The following KCNG2 variants were observed in gnomAD, a reference collection of about 807,000 sequenced individuals.
The protein encoded by KCNG2 is voltage-gated potassium channel regulatory subunit KCNG2.
A neutral mutation model predicts 12.3 loss-of-function variants in KCNG2; 7 were observed. The ratio of observed to expected loss-of-function variants is 0.57; its 90% CI spans 0.32 to 1.07. The LOEUF is 1.07. Ranked by LOEUF, KCNG2 falls within the 50% of genes least tolerant of loss-of-function variation. KCNG2 has a pLI of 0.04. For missense variants in KCNG2, 703 were observed against 726.0 expected (o/e 0.97, Z 0.36); for synonymous variants, 414 against 351.4 (o/e 1.18, Z -1.99).
chr18:79,883,948 G>A (rs973790035), intron 3 of KCNG2, among the ~76,000 whole-genome samples: 15 of 152,094 alleles, frequency 9.9e-5, no homozygotes, highest in Non-Finnish European at 1.2e-4. Flanking sequence ...CATGCAGCCC[G>A]GCCCACTGAC....
chr18:79,836,387 G>A (rs1321566537), intron 1 of KCNG2, among the ~76,000 whole-genome samples: 3 of 152,130 alleles, frequency 2.0e-5, no homozygotes, highest in Non-Finnish European at 4.4e-5. Flanking sequence ...GGATGACAGA[G>A]TTTAAAGTAG....
intron 3 of KCNG2, among the ~76,000 whole-genome samples, chr18:79,894,361 A>AATGGT (rs56700114): frequency 1.0e-5 from 1 of 100,120 alleles, no homozygotes; most frequent in Non-Finnish European, 2.2e-5. Context: ...CTCCATTCAT[A>AATGGT]ACGATTGATA....
intron 2 of KCNG2, among the ~76,000 whole-genome samples, chr18:79,858,911 A>T (rs1202606746): frequency 6.6e-6 from 1 of 152,096 alleles, no homozygotes; most frequent in Non-Finnish European, 1.5e-5. Context: ...CCATGTTTAA[A>T]TTGGGTTGTT....
At chr18:79,876,805 C>T (rs1366687403) in intron 3 of KCNG2, among the ~76,000 whole-genome samples, 3 of 152,236 alleles carry the variant, frequency 2.0e-5, no homozygotes, top group Admixed American at 1.3e-4. Flanking sequence ...TTGCAGATGC[C>T]TCTCATGGTG....
In KCNG2 at chr18:79,899,531, C is replaced by G; in HGVS notation, c.1116C>G (p.Tyr372Ter). Residue 372 changes from tyrosine to a stop codon, truncating the protein, a stop_gained, in exon 4 of 4, where the codon TAC becomes TAG. Transcript: ENST00000316249. LOFTEE classifies it low-confidence loss of function (END_TRUNC). ...TCATCTCCATGACCACCGTGGGCTA[C>G]GGCGACATGGTCCCGCGCAGCCTGC... Reference protein sequence around the residue: ...WAVISMTTVGYGDMVPRSLPG... With the variant: ...WAVISMTTVG The G allele has an allele frequency of 6.2e-7, 1 of 1,606,370 alleles. No homozygotes were observed.
At chr18:79,863,495 A>G (rs551733519) in intron 2 of KCNG2, among the ~76,000 whole-genome samples, 133 bp from the exon 3 acceptor site, 1 of 152,270 alleles carries the variant, frequency 6.6e-6, no homozygotes, top group South Asian at 2.1e-4. Context: ...GAGGAGTGGG[A>G]AGTGGGCGGG....
chr18:79,860,711 GTTCT>G (rs1255037425), intron 2 of KCNG2, among the ~76,000 whole-genome samples: 57 of 152,182 alleles, frequency 3.7e-4, no homozygotes, highest in Non-Finnish European at 6.5e-4. Context: ...GTGCGTGTGT[GTTCT>G]TTAAGGTTTT....
At chr18:79,843,494 A>G (rs755725360) in intron 1 of KCNG2, among the ~76,000 whole-genome samples, 8 of 152,248 alleles carry the variant, frequency 5.3e-5, no homozygotes, top group African/African-American at 7.2e-5. Flanking sequence ...TAACCCCAGC[A>G]TAAAAGTAGA....
At chr18:79,815,077 G>A (rs2087519333) in intron 1 of KCNG2, among the ~76,000 whole-genome samples, 1 of 152,128 alleles carries the variant, frequency 6.6e-6, no homozygotes, top group South Asian at 2.1e-4. Context: ...TCAAAATAAT[G>A]TCTGACAATA....
chr18:79,864,139 C>T lies in KCNG2; in HGVS notation c.472C>T (p.Arg158Cys), dbSNP rs1979352195. The change falls in exon 3 of 4, where the codon CGC becomes TGC. Residue 158 changes from arginine to cysteine, a missense_variant. Coordinates refer to ENST00000316249, the MANE Select transcript of KCNG2 (RefSeq NM_012283.2). ...RALGPRGRLQ[R>C]GRRRLRDVVD... ...CCTGGGACCTCGGGGGCGGCTGCAGCGCGGCCGGCGGCGCCTGCGCGACGT... is the reference window on the plus strand; with the variant it reads ...CCTGGGACCTCGGGGGCGGCTGCAGTGCGGCCGGCGGCGCCTGCGCGACGT... 3 of 1,357,394 alleles carry T rather than the reference C, an allele frequency of 2.2e-6. No individual in the cohort carries two copies. Among genetic ancestry groups the T allele is most frequent in the African/African-American group, 1.6e-5 (1 of 64,086 alleles). 84.1% of individuals were successfully genotyped at this position (1,357,394 alleles called of 1,614,324 possible). A position where few individuals can be genotyped will look rare whatever the true frequency, so the allele number is the denominator to read the frequency against.
At chr18:79,887,395 C>T (rs1013161022) in intron 3 of KCNG2, among the ~76,000 whole-genome samples, 1 of 152,022 alleles carries the variant, frequency 6.6e-6, no homozygotes, top group Admixed American at 6.5e-5. Flanking sequence ...GCCTTGGGGC[C>T]GACCTGTGCT....
At position 79,884,651 on chromosome 18, in the gene KCNG2, G is replaced by A. The variant is rs1019547675; in HGVS notation, c.625-14389G>A. On this transcript the variant is annotated intron_variant, in intron 3 of 3. Transcript: ENST00000316249. The surrounding 1 kb of genome is among the most constrained non-coding windows in gnomAD (Gnocchi z 5.5). ...GCTTTTTGTGTTTTCTACCTAGAGC[G>A]GAGAAATGTTTGTGGTTTCCAAAGA... Among the ~76,000 whole-genome samples, 4 of 152,316 alleles carry A rather than the reference G, an allele frequency of 2.6e-5. No individual in the cohort carries two copies. The highest frequency in any genetic ancestry group is 1.9e-4 in the East Asian group (1 of 5,172).
At chr18:79,847,492 G>A (rs891090655) in intron 1 of KCNG2, among the ~76,000 whole-genome samples, 4 of 152,174 alleles carry the variant, frequency 2.6e-5, no homozygotes, top group African/African-American at 7.2e-5. Flanking sequence ...CCGGCAGTGC[G>A]GACCACGCTC....
chr18:79,801,161 A>C (rs1405549097), intron 1 of KCNG2, among the ~76,000 whole-genome samples: 3 of 152,270 alleles, frequency 2.0e-5, no homozygotes, highest in African/African-American at 7.2e-5. Context: ...CCTGTGTCAA[A>C]ATCAGTAATA....
At chr18:79,819,728 T>C (rs1433287416) in intron 1 of KCNG2, among the ~76,000 whole-genome samples, 1 of 152,204 alleles carries the variant, frequency 6.6e-6, no homozygotes, top group African/African-American at 2.4e-5. Context: ...TATTCCATTT[T>C]AACTATTTCA....
chr18:79,897,367 T>A (rs1037013444), intron 3 of KCNG2, among the ~76,000 whole-genome samples: 11 of 152,244 alleles, frequency 7.2e-5, no homozygotes, highest in African/African-American at 2.2e-4. Flanking sequence ...TAGTGATTTT[T>A]AAATTATTTT....
chr18:79,865,707 C>T (rs866341588), intron 3 of KCNG2, among the ~76,000 whole-genome samples: 119 of 42,300 alleles, frequency 2.8e-3, no homozygotes, highest in Middle Eastern at 0.024. Context: ...GGTGCTGAGG[C>T]CTGGGTGCTG....
At chr18:79,865,714 GC>G (rs1481524114) in intron 3 of KCNG2, among the ~76,000 whole-genome samples, 2 of 142,928 alleles carry the variant, frequency 1.4e-5, no homozygotes, top group African/African-American at 5.1e-5. Context: ...AGGCCTGGGT[GC>G]TGAGAGGTCT....
intron 2 of KCNG2, among the ~76,000 whole-genome samples, chr18:79,863,213 G>C (rs1006220410): frequency 6.6e-6 from 1 of 152,220 alleles, no homozygotes; most frequent in African/African-American, 2.4e-5. Context: ...GCTGGTCCGC[G>C]GGACACACCG....
Sources: gnomAD v4.1 joint callset for allele counts (sites outside exome capture counted in the v4.1 genomes callset) on GRCh38, gnomAD v4.1.1 for gene constraint, Gnocchi (gnomAD v3.1) non-coding constraint, MANE v1.5 for transcripts, NCBI Gene and HGNC (gene_info 2026-07-23, HGNC 2026-07-21) for gene names.